The following TDG variants were observed in gnomAD, a reference collection of about 807,000 sequenced individuals.
TDG encodes thymine DNA glycosylase.
TDG carries 23 observed loss-of-function variants against 46.1 expected under a neutral mutation model. The ratio of observed to expected loss-of-function variants is 0.50; its 90% CI spans 0.36 to 0.71. The LOEUF (loss-of-function observed/expected upper bound fraction) is 0.71, where lower values mean the gene tolerates loss of function less well. Among genes scored for constraint, TDG ranks in the 30% least tolerant of loss-of-function variants. The pLI is 0.00. For missense variants in TDG, 304 were observed against 486.7 expected (o/e 0.62, Z 3.53); for synonymous variants, 115 against 161.3 (o/e 0.71, Z 2.18).
intron 8 of TDG, 122 bp from the exon 9 acceptor site, chr12:103,985,481 T>C: frequency 8.7e-7 from 1 of 1,145,520 alleles, no homozygotes; most frequent in African/African-American, 1.6e-5. Context: ...AAAAGATTAA[T>C]AGAGATGTAT....
chr12:103,986,670 A>G (rs756872351), intron 9 of TDG: 16 of 264,994 alleles, frequency 6.0e-5, no homozygotes, highest in Non-Finnish European at 9.0e-5. Context: ...CCGAAATCAC[A>G]CCACTGGACT....
rs887143397 is a variant in TDG, at chr12:103,965,905, T to A, written c.-133T>A. 1 of 1,390,158 alleles carries A rather than the reference T, an allele frequency of 7.2e-7. No homozygotes were observed. Among genetic ancestry groups the A allele is most frequent in the Admixed American group, 2.5e-5 (1 of 40,768 alleles). The allele number at this position is 1,390,158 out of a possible 1,614,324, so 86.1% of individuals were successfully genotyped here. On this transcript the variant is annotated 5_prime_UTR_variant, in exon 1 of 10. Coordinates refer to ENST00000392872, the MANE Select transcript of TDG (RefSeq NM_003211.6). ...GGAGGAGGAGCTTGAGTCCAGCCAC[T>A]GTCTGGGTACTGCCAGCCATCGGGC...
chr12:103,966,298 G>C (rs770098080), intron 1 of TDG, among the ~76,000 whole-genome samples: 1 of 152,140 alleles, frequency 6.6e-6, no homozygotes, highest in Admixed American at 6.5e-5. Context: ...GGTTCCCCGC[G>C]ATAACCAGTT....
intron 1 of TDG, among the ~76,000 whole-genome samples, chr12:103,971,430 C>T: frequency 6.6e-6 from 1 of 152,110 alleles, no homozygotes; most frequent in East Asian, 1.9e-4. Flanking sequence ...GGTGTAGGTG[C>T]CTGTAATCCC....
intron 2 of TDG, among the ~76,000 whole-genome samples, chr12:103,979,105 C>CTTTTTTT (rs1328105259): frequency 2.3e-4 from 6 of 26,056 alleles, no homozygotes; most frequent in African/African-American, 4.5e-4. Flanking sequence ...TTTCTTTTTT[C>CTTTTTTT]TTTCTTTTTT....
chr12:103,981,035 CAAT>C, intron 4 of TDG, 73 bp downstream of exon 4: 1 of 1,350,232 alleles, frequency 7.4e-7, no homozygotes, highest in Non-Finnish European at 1.0e-6. Context: ...TCAGAAAAAC[CAAT>C]TGTGTTTTTA....
intron 2 of TDG, 41 bp downstream of exon 2, chr12:103,977,101 C>T (rs373452637): frequency 6.4e-7 from 1 of 1,573,450 alleles, no homozygotes; most frequent in South Asian, 1.2e-5. Context: ...AACATCGGAT[C>T]AGCCAGCTTA....
In TDG at chr12:103,965,876, G is replaced by A. The variant is rs1039595161; in HGVS notation, c.-162G>A. On this transcript the variant is annotated 5_prime_UTR_variant, in exon 1 of 10. Coordinates refer to ENST00000392872, the MANE Select transcript of TDG (RefSeq NM_003211.6). ...AGGGGGTCCGTGGGGGACGGTAGAA[G>A]CCTGGAGGAGGAGCTTGAGTCCAGC... 94 of 1,158,690 alleles carry A rather than the reference G, an allele frequency of 8.1e-5. No homozygotes were observed. The African/African-American group carries it at 1.3e-3, about 16-fold the overall frequency. 71.8% of individuals were successfully genotyped at this position (1,158,690 alleles called of 1,614,324 possible). A position where few individuals can be genotyped will look rare whatever the true frequency, so the allele number is the denominator to read the frequency against.
At position 103,986,869 on chromosome 12, in the gene TDG, A is replaced by G. The variant is rs1872178152; in HGVS notation, c.1091-79A>G. 4.6e-6 allele frequency: 7 copies of G among 1,510,188 alleles called. No homozygotes were observed. In the South Asian group the frequency reaches 5.9e-5, roughly 13 times the overall value. 93.5% of individuals were successfully genotyped at this position (1,510,188 alleles called of 1,614,324 possible). A position where few individuals can be genotyped will look rare whatever the true frequency, so the allele number is the denominator to read the frequency against. On this transcript the variant is annotated intron_variant, in intron 9 of 9. Coordinates refer to ENST00000392872, the MANE Select transcript of TDG (RefSeq NM_003211.6). ...CACTGCATTCCAGCCTGGGCGATAG[A>G]GTAAGACCCAGTCTCTACTTTAAAA...
chr12:103,980,195 A>G (rs758862047), intron 3 of TDG, 123 bp downstream of exon 3: 14 of 1,377,814 alleles, frequency 1.0e-5, no homozygotes, highest in Non-Finnish European at 1.4e-5. Context: ...TTTGGTGGTA[A>G]ATGGTGTCAG....
chr12:103,975,164 A>T (rs1278414927), intron 1 of TDG, among the ~76,000 whole-genome samples: 1 of 152,192 alleles, frequency 6.6e-6, no homozygotes, highest in Non-Finnish European at 1.5e-5. Context: ...GCTAACAGCA[A>T]CACCATGAGA....
At chr12:103,981,001 AGGT>A in intron 4 of TDG, 39 bp downstream of exon 4, 1 of 1,565,528 alleles carries the variant, frequency 6.4e-7, no homozygotes, top group Non-Finnish European at 8.7e-7. Context: ...CTTTTAAATT[AGGT>A]ATCTTTGTTA....
chr12:103,979,922 C>T lies in TDG; in HGVS notation c.258C>T (p.Gly86=). Residue 86 remains glycine, a synonymous_variant, in exon 3 of 10, where the codon GGC becomes GGT. Transcript: ENST00000392872. ...PKKPVESKKS[G]KSAKSKEKQE... Reference sequence around the variant, plus strand: ...AACCTGTTGAGTCAAAAAAATCTGGCAAGTCTGCAAAATCAAAAGAAAAAC... The same window carrying T: ...AACCTGTTGAGTCAAAAAAATCTGGTAAGTCTGCAAAATCAAAAGAAAAAC... 21 of 1,611,830 alleles carry T rather than the reference C, an allele frequency of 1.3e-5. No homozygotes were observed. The highest frequency in any genetic ancestry group is 1.6e-5 in the Non-Finnish European group (19 of 1,179,780).
At position 103,988,430 on chromosome 12, in the gene TDG, C is replaced by T. The variant is rs1311928138; in HGVS notation, c.*1340C>T. 1 of 152,702 alleles carries T rather than the reference C, an allele frequency of 6.5e-6. No homozygotes were observed. The highest frequency in any genetic ancestry group is 6.5e-5 in the Admixed American group (1 of 15,286). 9.5% of individuals were successfully genotyped at this position (152,702 alleles called of 1,614,324 possible). A position where few individuals can be genotyped will look rare whatever the true frequency, so the allele number is the denominator to read the frequency against. ...TGGCTATGATGGATTTTATTTTTTC[C>T]TAGGTCAAGCTGTGTAAAAGTCATT... On this transcript the variant is annotated 3_prime_UTR_variant, in exon 10 of 10. Coordinates refer to ENST00000392872, the MANE Select transcript of TDG (RefSeq NM_003211.6).
intron 1 of TDG, among the ~76,000 whole-genome samples, chr12:103,975,641 G>C (rs1013177412): frequency 1.3e-5 from 2 of 151,996 alleles, no homozygotes; most frequent in African/African-American, 4.8e-5. Context: ...TGAAGGCAGA[G>C]CCCTCCTCTT....
rs1872247293 is a variant in TDG at position 103,987,716 on chromosome 12, A to G, written c.*626A>G. On this transcript the variant is annotated 3_prime_UTR_variant, in exon 10 of 10. Coordinates refer to ENST00000392872, the MANE Select transcript of TDG (RefSeq NM_003211.6). Reference sequence around the variant, plus strand: ...TTGACCTGCTCAGCCCTGTGTGTTAATCCTCTAGTAGCCAATTAACTACTC... The same window carrying G: ...TTGACCTGCTCAGCCCTGTGTGTTAGTCCTCTAGTAGCCAATTAACTACTC... 6.6e-6 allele frequency: 1 copy of G among 152,648 alleles called. No individual in the cohort carries two copies. Among genetic ancestry groups the G allele is most frequent in the Non-Finnish European group, 1.5e-5 (1 of 68,110 alleles). The allele number at this position is 152,648 out of a possible 1,614,324, so 9.5% of individuals were successfully genotyped here. A position where few individuals can be genotyped will look rare whatever the true frequency, so the allele number is the denominator to read the frequency against.
At chr12:103,983,053 C>G in intron 5 of TDG, 83 bp from the exon 6 acceptor site, 1 of 1,553,202 alleles carries the variant, frequency 6.4e-7, no homozygotes, top group Non-Finnish European at 8.7e-7. Flanking sequence ...ACAATATGCT[C>G]TTTCATTGAA....
At chr12:103,969,097 T>C (rs193073734) in intron 1 of TDG, among the ~76,000 whole-genome samples, 4 of 152,350 alleles carry the variant, frequency 2.6e-5, no homozygotes, top group Admixed American at 1.3e-4. Context: ...GTACCTACAG[T>C]AGTCATTATT....
At chr12:103,969,442 T>C (rs1171793075) in intron 1 of TDG, among the ~76,000 whole-genome samples, 1 of 152,232 alleles carries the variant, frequency 6.6e-6, no homozygotes, top group Non-Finnish European at 1.5e-5. Context: ...AAGAGAGGTC[T>C]GTACTTATAT....
Sources: allele counts gnomAD v4.1 joint callset (sites outside exome capture counted in the v4.1 genomes callset), GRCh38; gene constraint gnomAD v4.1.1; transcripts MANE v1.5; gene names NCBI Gene and HGNC (gene_info 2026-07-23, HGNC 2026-07-21).